IMPA1: variants seen among roughly 807,000 people sequenced by gnomAD.
IMPA1 encodes inositol monophosphatase 1, also known as D-galactose 1-phosphate phosphatase.
In IMPA1, 21 loss-of-function variants were observed where a neutral mutation model predicts 34.9. That is an observed-to-expected ratio of 0.60 (90% confidence interval 0.43 to 0.87). IMPA1 has a LOEUF of 0.87. IMPA1 is among the 40% of genes least tolerant of loss of function. The pLI, the probability that IMPA1 is intolerant of heterozygous loss-of-function variation, is 0.00. For synonymous variants in IMPA1, 95 were observed against 104.4 expected (o/e 0.91, Z 0.55); for missense variants, 299 against 336.4 (o/e 0.89, Z 0.87).
At position 81,659,020 on chromosome 8, in the gene IMPA1, T is replaced by TA. The variant is rs1806590994; in HGVS notation, c.*330dup. The TA allele has an allele frequency of 3.2e-6, 1 of 312,032 alleles. No homozygotes were observed. Among genetic ancestry groups the TA allele is most frequent in the African/African-American group, 2.3e-5 (1 of 44,416 alleles). 19.3% of individuals were successfully genotyped at this position (312,032 alleles called of 1,614,324 possible). On this transcript the variant is annotated 3_prime_UTR_variant, in exon 9 of 9. Transcript: ENST00000256108. ...TTCTAAGTGGGTGTCTCTGCACCTA[T>TA]ATACTAAGTCAAAATTTCAGGGGAC...
chr8:81,662,499 C>A (rs73283077), intron 7 of IMPA1, among the ~76,000 whole-genome samples: 2,929 of 152,274 alleles, frequency 0.019, 91 homozygotes, highest in African/African-American at 0.066. Flanking sequence ...GATTACTTAA[C>A]TACCAGATAA....
chr8:81,686,093 G>A (rs757060928), intron 1 of IMPA1, 159 bp downstream of exon 1: 17 of 902,238 alleles, frequency 1.9e-5, no homozygotes, highest in East Asian at 1.1e-4. Context: ...GGCAGCTCCG[G>A]ATAACGCAGC....
chr8:81,672,094 T>G (rs1468085907), intron 6 of IMPA1, among the ~76,000 whole-genome samples: 1 of 152,088 alleles, frequency 6.6e-6, no homozygotes, highest in East Asian at 1.9e-4. Flanking sequence ...GAAAAGGAAA[T>G]AGCCTAAAAA....
At chr8:81,659,675 T>C (rs1806607186) in intron 8 of IMPA1, among the ~76,000 whole-genome samples, 1 of 152,226 alleles carries the variant, frequency 6.6e-6, no homozygotes, top group Admixed American at 6.5e-5. Flanking sequence ...AATGAAGTCA[T>C]ACCAGTTAGA....
intron 3 of IMPA1, 121 bp downstream of exon 3, chr8:81,680,529 C>CTT (rs1040658550): frequency 5.5e-6 from 4 of 725,426 alleles, no homozygotes; most frequent in Non-Finnish European, 9.1e-6. Flanking sequence ...TTGACCAACA[C>CTT]TTTGACTGTA....
rs1451867489 is a variant in IMPA1, at chr8:81,657,378, A to G, written c.*1973T>C. Among the ~76,000 whole-genome samples the G allele has an allele frequency of 1.3e-5, 2 of 151,298 alleles. No homozygotes were observed. Among genetic ancestry groups the G allele is most frequent in the East Asian group, 2.0e-4 (1 of 5,044 alleles). ...GAGGCAGGAGGATCACTTGAGCCCA[A>G]TGAGACCAGCCTAAGCAACATAGGA... On this transcript the variant is annotated 3_prime_UTR_variant, in exon 9 of 9. Coordinates refer to ENST00000256108, the MANE Select transcript of IMPA1 (RefSeq NM_005536.4).
chr8:81,666,334 G>T (rs1429433684), intron 7 of IMPA1, among the ~76,000 whole-genome samples: 1 of 152,112 alleles, frequency 6.6e-6, no homozygotes, highest in Non-Finnish European at 1.5e-5. Context: ...TCAAATGAAC[G>T]CAGTAACTAT....
chr8:81,678,377 A>T (rs1423129743), intron 4 of IMPA1, among the ~76,000 whole-genome samples: 2 of 152,156 alleles, frequency 1.3e-5, no homozygotes, highest in African/African-American at 4.8e-5. Context: ...ATAATTTTTT[A>T]AATTTATTTT....
chr8:81,661,220 A>G (rs1008721772), intron 7 of IMPA1, among the ~76,000 whole-genome samples: 1 of 152,226 alleles, frequency 6.6e-6, no homozygotes, highest in Non-Finnish European at 1.5e-5. Context: ...TAAGTTGAAT[A>G]TAAATACACT....
chr8:81,669,181 G>T (rs1806919264), intron 7 of IMPA1, among the ~76,000 whole-genome samples: 1 of 152,148 alleles, frequency 6.6e-6, no homozygotes, highest in African/African-American at 2.4e-5. Context: ...CCAAGGTAAA[G>T]CCTAGTAGAG....
intron 6 of IMPA1, 132 bp from the exon 7 acceptor site, chr8:81,671,179 T>C (rs1741962940): frequency 6.3e-6 from 3 of 479,098 alleles, no homozygotes; most frequent in Non-Finnish European, 3.7e-6. Context: ...AATAATAAAA[T>C]ACTGATAAAT....
intron 1 of IMPA1, chr8:81,685,938 C>T (rs1274048553): frequency 1.3e-6 from 2 of 1,529,046 alleles, no homozygotes; most frequent in African/African-American, 1.4e-5. Flanking sequence ...CTACCTGGGC[C>T]TGGGGATGCA....
At position 81,667,767 on chromosome 8, in the gene IMPA1, C is replaced by A. The variant is rs531718493; in HGVS notation, c.566+3172G>T. ...AAGGTATCGGATCCTGGAGGAAAGG[C>A]CATCCTGGTTATAAACTGGCAAAGA... On this transcript the variant is annotated intron_variant, in intron 7 of 8. Coordinates refer to ENST00000256108, the MANE Select transcript of IMPA1 (RefSeq NM_005536.4). Among the ~76,000 whole-genome samples, 22 of 151,790 alleles carry A rather than the reference C, an allele frequency of 1.4e-4. 1 individual carries two copies. The South Asian group carries it at 2.5e-3, about 17-fold the overall frequency.
intron 5 of IMPA1, among the ~76,000 whole-genome samples, chr8:81,676,022 T>G (rs576050762): frequency 2.0e-3 from 306 of 152,376 alleles, no homozygotes; most frequent in African/African-American, 6.5e-3. Flanking sequence ...GTGTATTTTC[T>G]TCTTACAACT....
At chr8:81,684,612 A>ACTATGTGTAG (rs1398485961) in intron 1 of IMPA1, among the ~76,000 whole-genome samples, 2 of 53,260 alleles carry the variant, frequency 3.8e-5, no homozygotes, top group African/African-American at 1.9e-4. Context: ...TATATCTAGT[A>ACTATGTGTAG]TATATATACT....
intron 7 of IMPA1, among the ~76,000 whole-genome samples, chr8:81,668,928 T>A (rs1442109270): frequency 6.6e-6 from 1 of 152,104 alleles, no homozygotes; most frequent in Non-Finnish European, 1.5e-5. Context: ...GCTCCCTACA[T>A]CCCAGCCAAG....
chr8:81,670,949 G>A lies in IMPA1; in HGVS notation c.556C>T (p.Pro186Ser). ...LSNMEKLFCI[P>S]VHGIRSVGTA... Reference sequence around the variant, plus strand: ...TGGTAAAGAGCTTACCCATGAACAGGAATGCAAAAAAGCTTTTCCATATTA... The same window carrying A: ...TGGTAAAGAGCTTACCCATGAACAGAAATGCAAAAAAGCTTTTCCATATTA... The change falls in exon 7 of 9, where the codon CCT becomes TCT. Residue 186 changes from proline (P) to serine (S), a missense_variant. Transcript: ENST00000256108. The A allele has an allele frequency of 6.6e-7, 1 of 1,506,838 alleles. No homozygotes were observed. Among genetic ancestry groups the A allele is most frequent in the Non-Finnish European group, 8.9e-7 (1 of 1,122,484 alleles). The allele number at this position is 1,506,838 out of a possible 1,614,324, so 93.3% of individuals were successfully genotyped here.
intron 7 of IMPA1, among the ~76,000 whole-genome samples, chr8:81,664,250 C>T (rs1324687189): frequency 6.6e-6 from 1 of 151,972 alleles, no homozygotes; most frequent in Non-Finnish European, 1.5e-5. Flanking sequence ...TCCCTGTATA[C>T]CCTCCTGGAA....
At position 81,657,193 on chromosome 8, in the gene IMPA1, T is replaced by C. The variant is rs1470880759; in HGVS notation, c.*2158A>G. 6.6e-6 allele frequency among the ~76,000 whole-genome samples: 1 copy of C among 152,072 alleles called. No homozygotes were observed. Among genetic ancestry groups the C allele is most frequent in the Admixed American group, 6.6e-5 (1 of 15,258 alleles). On this transcript the variant is annotated 3_prime_UTR_variant, in exon 9 of 9. Coordinates refer to ENST00000256108, the MANE Select transcript of IMPA1 (RefSeq NM_005536.4). ...ATGGAAAAGCTATTGTAGAAAAAAATATAGGTTTTTAGAAAAGTTGGAAAG... is the reference window on the plus strand; with the variant it reads ...ATGGAAAAGCTATTGTAGAAAAAAACATAGGTTTTTAGAAAAGTTGGAAAG...
Sources: gnomAD v4.1 joint callset for allele counts (sites outside exome capture counted in the v4.1 genomes callset) on GRCh38, gnomAD v4.1.1 for gene constraint, MANE v1.5 for transcripts, NCBI Gene and HGNC (gene_info 2026-07-23, HGNC 2026-07-21) for gene names.